Variants in PAM observed in about 807,000 individuals in gnomAD.
PAM encodes the protein peptidyl-glycine alpha-amidating monooxygenase.
Under a neutral mutation model 122.1 loss-of-function variants are expected in PAM, and 72 were observed. The ratio of observed to expected loss-of-function variants is 0.59; its 90% CI spans 0.49 to 0.72. PAM has a LOEUF of 0.72. PAM is among the 30% of genes least tolerant of loss of function. The pLI is 0.00. For missense variants in PAM, 1,106 were observed against 1,183.7 expected, an observed-to-expected ratio of 0.93 and a Z score of 0.96; for synonymous variants, 389 against 404.4, an observed-to-expected ratio of 0.96 and a Z score of 0.46.
chr5:102,816,174 G>A (rs1252281432), intron 1 of PAM, among the ~76,000 whole-genome samples: 2 of 152,094 alleles, frequency 1.3e-5, no homozygotes, highest in Non-Finnish European at 2.9e-5. Context: ...GAGGTTTTAT[G>A]TTATTGATGA....
intron 1 of PAM, among the ~76,000 whole-genome samples, chr5:102,848,824 T>C (rs1051733748): frequency 4.6e-5 from 7 of 152,270 alleles, no homozygotes; most frequent in Admixed American, 3.9e-4. Flanking sequence ...CATCTAAATA[T>C]AGGAGTTTTA....
intron 7 of PAM, among the ~76,000 whole-genome samples, chr5:102,934,562 C>T (rs1419491603): frequency 6.6e-6 from 1 of 152,046 alleles, no homozygotes; most frequent in Non-Finnish European, 1.5e-5. Context: ...TTTTTCTCTC[C>T]CTGACTCCCA....
intron 3 of PAM, among the ~76,000 whole-genome samples, chr5:102,876,114 C>A (rs1316131119): frequency 6.6e-6 from 1 of 152,158 alleles, no homozygotes; most frequent in Non-Finnish European, 1.5e-5. Flanking sequence ...GGTATAATTT[C>A]TCTCGGCCAA....
At chr5:102,788,067 C>A (rs1761046603) in intron 1 of PAM, among the ~76,000 whole-genome samples, 1 of 152,216 alleles carries the variant, frequency 6.6e-6, no homozygotes, top group Admixed American at 6.5e-5. Context: ...CACTTGCACT[C>A]ACACAGCTCC....
intron 3 of PAM, among the ~76,000 whole-genome samples, chr5:102,889,885 A>G (rs2151257171): frequency 6.6e-6 from 1 of 151,972 alleles, no homozygotes; most frequent in African/African-American, 2.4e-5. Context: ...CCTTACAACA[A>G]GGCTTAACAC....
intron 1 of PAM, among the ~76,000 whole-genome samples, chr5:102,770,007 T>C (rs1044564574): frequency 2.6e-5 from 4 of 152,214 alleles, no homozygotes; most frequent in African/African-American, 9.6e-5. Context: ...TTCCGTTTTG[T>C]GTATGTGTCT....
intron 15 of PAM, among the ~76,000 whole-genome samples, chr5:102,977,213 C>T (rs1767966778): frequency 6.6e-6 from 1 of 152,146 alleles, no homozygotes; most frequent in Admixed American, 6.6e-5. Flanking sequence ...AAAAACCATA[C>T]TATTTTCTGA....
chr5:102,871,714 AT>A (rs1787557081), intron 3 of PAM, among the ~76,000 whole-genome samples: 1 of 146,966 alleles, frequency 6.8e-6, no homozygotes, highest in African/African-American at 2.5e-5. Flanking sequence ...TATATATATT[AT>A]ATATAATACA....
At chr5:102,881,131 C>CAT (rs1790874061) in intron 3 of PAM, among the ~76,000 whole-genome samples, 1 of 143,646 alleles carries the variant, frequency 7.0e-6, no homozygotes. Flanking sequence ...TTTATACATA[C>CAT]ACACACACAC....
chr5:103,017,586 A>G (rs1251415294), intron 22 of PAM, among the ~76,000 whole-genome samples, 153 bp downstream of exon 22: 1 of 152,232 alleles, frequency 6.6e-6, no homozygotes, highest in Non-Finnish European at 1.5e-5. Flanking sequence ...TTTGGTGTCC[A>G]TTAAGTGGAA....
intron 16 of PAM, among the ~76,000 whole-genome samples, chr5:102,994,573 G>C (rs934542349): frequency 7.2e-5 from 11 of 152,078 alleles, no homozygotes; most frequent in African/African-American, 2.7e-4. Flanking sequence ...GTTAGTATAA[G>C]AGAATTGTAT....
intron 1 of PAM, among the ~76,000 whole-genome samples, chr5:102,831,001 C>T (rs570548316): frequency 6.8e-4 from 104 of 152,180 alleles, no homozygotes; most frequent in Non-Finnish European, 1.1e-3. Flanking sequence ...GTAGTAGTTA[C>T]TAACCCAAAG....
chr5:102,937,512 C>A (rs1219204488), intron 7 of PAM, among the ~76,000 whole-genome samples: 1 of 151,992 alleles, frequency 6.6e-6, no homozygotes, highest in Non-Finnish European at 1.5e-5. Flanking sequence ...ACGTTTTTTT[C>A]CTTCTTCTGA....
chr5:103,022,754 C>A (rs1290520675), intron 23 of PAM, among the ~76,000 whole-genome samples: 1 of 152,076 alleles, frequency 6.6e-6, no homozygotes, highest in Non-Finnish European at 1.5e-5. Context: ...ATCATAGATG[C>A]TCCAAATTAC....
At chr5:102,907,853 T>C (rs1252593473) in intron 4 of PAM, among the ~76,000 whole-genome samples, 1 of 152,082 alleles carries the variant, frequency 6.6e-6, no homozygotes, top group African/African-American at 2.4e-5. Context: ...TTGGAGTTCA[T>C]TGTAGATTCT....
intron 1 of PAM, among the ~76,000 whole-genome samples, chr5:102,834,931 A>G (rs1050607240): frequency 1.3e-5 from 2 of 152,154 alleles, no homozygotes; most frequent in Non-Finnish European, 2.9e-5. Flanking sequence ...GATAGTGTCT[A>G]TCTACCTACT....
At chr5:102,829,325 G>A (rs1200933156) in intron 1 of PAM, among the ~76,000 whole-genome samples, 1 of 150,136 alleles carries the variant, frequency 6.7e-6, no homozygotes, top group Non-Finnish European at 1.5e-5. Flanking sequence ...TTAGTATATA[G>A]TCGTTAAATA....
intron 3 of PAM, among the ~76,000 whole-genome samples, chr5:102,885,410 C>A (rs1792730010): frequency 6.6e-6 from 1 of 151,874 alleles, no homozygotes; most frequent in Admixed American, 6.6e-5. Flanking sequence ...ATCTATTTTT[C>A]ATAAATGCTA....
chr5:102,944,598 C>T (rs6860588), intron 7 of PAM, among the ~76,000 whole-genome samples: 39,844 of 151,828 alleles, frequency 0.26, 5,672 homozygotes, highest in East Asian at 0.43. Context: ...AGGATCCCGT[C>T]GAACTGACTT....
Sources: gnomAD v4.1 joint callset for allele counts (sites outside exome capture counted in the v4.1 genomes callset) on GRCh38, gnomAD v4.1.1 for gene constraint, MANE v1.5 for transcripts, NCBI Gene and HGNC (gene_info 2026-07-23, HGNC 2026-07-21) for gene names.